Variants in NONO observed in about 807,000 individuals in gnomAD.
NONO encodes non-POU domain containing octamer binding, also known as non-POU domain-containing octamer-binding protein.
A neutral mutation model predicts 40.2 loss-of-function variants in NONO; 6 were observed. The ratio of observed to expected loss-of-function variants is 0.15; its 90% CI spans 0.08 to 0.29. The LOEUF is 0.29. NONO is among the 10% of genes least tolerant of loss of function. NONO has a pLI of 1.00. For missense variants in NONO, 133 were observed against 397.8 expected (o/e 0.33, Z 5.66); for synonymous variants, 89 against 123.3 (o/e 0.72, Z 1.85).
At chrX:71,290,536 C>T in intron 2 of NONO, 93 bp from the exon 3 acceptor site, 1 of 700,221 alleles carries the variant, frequency 1.4e-6, no homozygotes, top group Non-Finnish European at 2.2e-6. Context: ...AGCCAGAGCA[C>T]TTAAGGTGAT....
At chrX:71,297,344 A>G in intron 7 of NONO, 33 bp from the exon 8 acceptor site, 1 of 1,092,145 alleles carries the variant, frequency 9.2e-7, no homozygotes, top group South Asian at 2.0e-5. Context: ...TATGAAGACA[A>G]TGAGGAATAT....
chrX:71,296,747 T>C, intron 6 of NONO, 87 bp downstream of exon 6: 1 of 1,017,666 alleles, frequency 9.8e-7, no homozygotes, highest in Non-Finnish European at 1.3e-6. Context: ...AGGTCTTTGC[T>C]GCACATGTTC....
Position 71,290,733 on chromosome X carries a change from A to C in NONO, c.96A>C (p.Gln32His), listed in dbSNP as rs1426564608. The change falls in exon 3 of 12, where the codon CAA becomes CAC. Residue 32 changes from glutamine (Q) to histidine (H), a missense_variant. By Grantham distance (24) the Gln-to-His change is conservative (BLOSUM62 0). Transcript: ENST00000276079. ...HHHQQQHHQQ[Q>H]QQQPPPPPIP... The stretch of plus-strand genomic sequence containing the variant: ...ACCAGCAGCAGCACCACCAGCAGCA[A>C]CAGCAGCAGCCGCCACCACCGCCAA... 1.7e-6 allele frequency: 2 copies of C among 1,194,201 alleles called. No homozygotes were observed. The highest frequency in any genetic ancestry group is 4.5e-5 in the Admixed American group (2 of 44,691).
intron 5 of NONO, among the ~76,000 whole-genome samples, chrX:71,295,239 A>G (rs1048083709): frequency 9.6e-6 from 1 of 104,442 alleles, no homozygotes; most frequent in Non-Finnish European, 1.9e-5. Context: ...AAAAAAAAAA[A>G]AGACTTTTGG....
At position 71,291,983 on chromosome X, in the gene NONO, G is replaced by A. The variant is rs1457964174; in HGVS notation, c.348+11G>A. On this transcript the variant is annotated intron_variant, in intron 4 of 11. Coordinates refer to ENST00000276079, the MANE Select transcript of NONO (RefSeq NM_007363.5). ...GGCTTTATCCGCTTGGTGAGCAACTGTTGGCTTTTGAGGCATGTGCTCTAA... is the reference window on the plus strand; with the variant it reads ...GGCTTTATCCGCTTGGTGAGCAACTATTGGCTTTTGAGGCATGTGCTCTAA... 4.4e-6 allele frequency: 5 copies of A among 1,135,621 alleles called. No individual in the cohort carries two copies. The highest frequency in any genetic ancestry group is 5.8e-6 in the Non-Finnish European group (5 of 855,015). 93.6% of individuals were successfully genotyped at this position (1,135,621 alleles called of 1,213,427 possible).
At chrX:71,287,821 C>G (rs192761795) in intron 2 of NONO, among the ~76,000 whole-genome samples, 114 of 107,182 alleles carry the variant, frequency 1.1e-3, no homozygotes, top group African/African-American at 3.7e-3. Context: ...GTAGCTGGGA[C>G]TACAGGCATG....
At chrX:71,298,958 G>C (rs1483678374) in intron 11 of NONO, 142 bp downstream of exon 11, 9 of 471,577 alleles carry the variant, frequency 1.9e-5, no homozygotes, top group Non-Finnish European at 3.2e-5. Flanking sequence ...TTTCCCTCTT[G>C]TTGCCCAGGC....
chrX:71,299,848 TGAATG>T (rs1281236476), intron 11 of NONO, 89 bp from the exon 12 acceptor site: 6 of 1,071,959 alleles, frequency 5.6e-6, no homozygotes, highest in Non-Finnish European at 7.6e-6. Flanking sequence ...CTTGAATAGT[TGAATG>T]GAAATAGCCT....
intron 9 of NONO, 35 bp from the exon 10 acceptor site, chrX:71,298,434 G>A (rs1313828104): frequency 8.5e-7 from 1 of 1,176,655 alleles, no homozygotes; most frequent in Admixed American, 2.2e-5. Flanking sequence ...ATGCACTGCT[G>A]TCTTGGACTG....
chrX:71,299,036 C>T (rs1051271179), intron 11 of NONO, among the ~76,000 whole-genome samples: 1 of 111,689 alleles, frequency 9.0e-6, no homozygotes, highest in African/African-American at 3.3e-5. Context: ...AGTCTCCTGC[C>T]TCAGCCTCCC....
Position 71,290,682 on chromosome X carries a change from T to C in NONO, c.45T>C (p.Thr15=). The C allele has an allele frequency of 8.3e-6, 10 of 1,209,562 alleles. No individual in the cohort carries two copies. The highest frequency in any genetic ancestry group is 1.1e-5 in the Non-Finnish European group (10 of 894,451). Residue 15 remains threonine (T), a synonymous_variant, in exon 3 of 12, where the codon ACT becomes ACC. Transcript: ENST00000276079. ...KTFNLEKQNH[T]PRKHHQHHHQ... ...TTAACTTGGAGAAGCAAAACCATACTCCAAGAAAGCATCATCAACATCACC... is the reference window on the plus strand; with the variant it reads ...TTAACTTGGAGAAGCAAAACCATACCCCAAGAAAGCATCATCAACATCACC...
At chrX:71,299,776 T>TTCTA (rs1042602765) in intron 11 of NONO, among the ~76,000 whole-genome samples, 166 bp from the exon 12 acceptor site, 2 of 110,893 alleles carry the variant, frequency 1.8e-5, no homozygotes, top group African/African-American at 6.6e-5. Flanking sequence ...CCACCACTTT[T>TTCTA]GGGGTTATCC....
chrX:71,290,192 G>A (rs371083757), intron 2 of NONO, among the ~76,000 whole-genome samples: 3 of 110,171 alleles, frequency 2.7e-5, no homozygotes, highest in East Asian at 2.9e-4. Flanking sequence ...AACCACAGGC[G>A]TGCGCCACCA....
intron 5 of NONO, among the ~76,000 whole-genome samples, chrX:71,295,053 T>TA (rs1387997684): frequency 1.8e-5 from 2 of 110,116 alleles, no homozygotes; most frequent in East Asian, 5.7e-4. Flanking sequence ...CCGTCTCTAC[T>TA]AAAAATACAA....
At chrX:71,298,609 T>C (rs1310385012) in intron 10 of NONO, 98 bp from the exon 11 acceptor site, 1 of 1,050,591 alleles carries the variant, frequency 9.5e-7, no homozygotes, top group Non-Finnish European at 1.3e-6. Context: ...GACATATATG[T>C]CTTACTTAGC....
rs2031549301 is a variant in NONO, at chrX:71,300,233, G to C, written c.*157G>C. ...GAGTATGCTGGAGGCAGAGGGCAAGGGAGGGGTGGTATTAAACAAGTCAAT... is the reference window on the plus strand; with the variant it reads ...GAGTATGCTGGAGGCAGAGGGCAAGCGAGGGGTGGTATTAAACAAGTCAAT... On this transcript the variant is annotated 3_prime_UTR_variant, in exon 12 of 12. Transcript: ENST00000276079. 1 of 588,366 alleles carries C rather than the reference G, an allele frequency of 1.7e-6. No individual in the cohort carries two copies. Among genetic ancestry groups the C allele is most frequent in the Admixed American group, 2.9e-5 (1 of 34,738 alleles). 48.5% of individuals were successfully genotyped at this position (588,366 alleles called of 1,213,427 possible). A position where few individuals can be genotyped will look rare whatever the true frequency, so the allele number is the denominator to read the frequency against.
At chrX:71,289,310 G>A (rs916678334) in intron 2 of NONO, among the ~76,000 whole-genome samples, 1 of 109,251 alleles carries the variant, frequency 9.2e-6, no homozygotes, top group Non-Finnish European at 1.9e-5. Flanking sequence ...TTTTATTTTC[G>A]AGACAGAGTC....
At chrX:71,293,256 T>C (rs909476164) in intron 4 of NONO, among the ~76,000 whole-genome samples, 1 of 111,642 alleles carries the variant, frequency 9.0e-6, no homozygotes, top group Non-Finnish European at 1.9e-5. Flanking sequence ...AAGAGGCTTC[T>C]TGGAGGATAT....
At chrX:71,298,353 C>T in intron 9 of NONO, 116 bp from the exon 10 acceptor site, 1 of 642,792 alleles carries the variant, frequency 1.6e-6, no homozygotes. Flanking sequence ...TCAGCTTTCT[C>T]AGTGCTGTTT....
Sources: gnomAD v4.1 joint callset for allele counts (sites outside exome capture counted in the v4.1 genomes callset) on GRCh38, gnomAD v4.1.1 for gene constraint, MANE v1.5 for transcripts, NCBI Gene and HGNC (gene_info 2026-07-23, HGNC 2026-07-21) for gene names.